Variants in MGLL observed in about 807,000 individuals in gnomAD.
MGLL encodes lysophospholipase homolog.
A neutral mutation model predicts 29.1 loss-of-function variants in MGLL; 7 were observed. That is an observed-to-expected ratio of 0.24 (90% CI 0.14 to 0.45). The LOEUF (loss-of-function observed/expected upper bound fraction) is 0.45. Among genes scored for constraint, MGLL ranks in the 20% least tolerant of loss-of-function variants. The pLI is 0.99. For synonymous variants in MGLL, 148 were observed against 168.3 expected (o/e 0.88, Z 0.93); for missense variants, 356 against 413.6 (o/e 0.86, Z 1.21).
chr3:127,776,923 G>A (rs2077046386), intron 3 of MGLL, among the ~76,000 whole-genome samples: 1 of 152,182 alleles, frequency 6.6e-6, no homozygotes, highest in South Asian at 2.1e-4. Context: ...GGAGCGAATG[G>A]ACAACACAAT....
intron 6 of MGLL, among the ~76,000 whole-genome samples, chr3:127,697,196 G>T (rs534560018): frequency 1.3e-5 from 2 of 152,244 alleles, no homozygotes; most frequent in African/African-American, 2.4e-5. Flanking sequence ...ACCACAGGGG[G>T]TGCTTCCCCA....
intron 2 of MGLL, among the ~76,000 whole-genome samples, chr3:127,798,507 T>C (rs1167610803): frequency 6.6e-6 from 1 of 152,192 alleles, no homozygotes; most frequent in African/African-American, 2.4e-5. Flanking sequence ...GACTTCCTCC[T>C]TGGACAGGCC....
At position 127,714,525 on chromosome 3, in the gene MGLL, C is replaced by T. The variant is rs141155668; in HGVS notation, c.511-3860G>A. Among the ~76,000 whole-genome samples, 17 of 152,286 alleles carry T rather than the reference C, an allele frequency of 1.1e-4. No homozygotes were observed. In the East Asian group the frequency reaches 2.5e-3, roughly 23 times the overall value. On this transcript the variant is annotated intron_variant, in intron 5 of 7. Coordinates refer to ENST00000265052, the MANE Select transcript of MGLL (RefSeq NM_007283.7). The stretch of plus-strand genomic sequence containing the variant: ...TGGTGTGCATGAGGCACTGGTGTCC[C>T]GGCGACAATAACTGGTTGTTCCATC...
At chr3:127,756,625 C>T (rs2076669505) in intron 3 of MGLL, among the ~76,000 whole-genome samples, 1 of 152,212 alleles carries the variant, frequency 6.6e-6, no homozygotes, top group Non-Finnish European at 1.5e-5. Flanking sequence ...GATGTGTTGG[C>T]CTCACCATAC....
At chr3:127,720,638 G>T (rs1262241688) in intron 5 of MGLL, among the ~76,000 whole-genome samples, 1 of 152,228 alleles carries the variant, frequency 6.6e-6, no homozygotes, top group East Asian at 1.9e-4. Context: ...GGCAGTGGAT[G>T]CGACTCCATA....
chr3:127,807,151 G>A lies in MGLL; in HGVS notation c.155+14543C>T, dbSNP rs142189895. Among the ~76,000 whole-genome samples the A allele has an allele frequency of 4.1e-4, 63 of 151,914 alleles. No homozygotes were observed. In the East Asian group the frequency reaches 0.012, roughly 28 times the overall value. Reference sequence around the variant, plus strand: ...CTTTGTTGGTAGTTTTTTTAGTTTTGGTTTTGTTTTGCTTACCAATTCAAT... The same window carrying A: ...CTTTGTTGGTAGTTTTTTTAGTTTTAGTTTTGTTTTGCTTACCAATTCAAT... On this transcript the variant is annotated intron_variant, in intron 2 of 7. Transcript: ENST00000265052.
chr3:127,813,722 G>A (rs1043893310), intron 2 of MGLL, among the ~76,000 whole-genome samples: 38 of 152,016 alleles, frequency 2.5e-4, no homozygotes. Flanking sequence ...CAGGACTCCC[G>A]GGTCATTGAC....
intron 2 of MGLL, among the ~76,000 whole-genome samples, chr3:127,801,945 G>T (rs1305665540): frequency 6.6e-6 from 1 of 151,988 alleles, no homozygotes; most frequent in African/African-American, 2.4e-5. Context: ...GGCCCACACA[G>T]CTCACAGCCC....
chr3:127,714,553 G>A (rs1444012419), intron 5 of MGLL, among the ~76,000 whole-genome samples: 5 of 152,218 alleles, frequency 3.3e-5, no homozygotes, highest in African/African-American at 1.2e-4. Flanking sequence ...GTTCCATCAC[G>A]AATGTAGATG....
intron 2 of MGLL, among the ~76,000 whole-genome samples, chr3:127,809,563 C>T (rs989088622): frequency 3.3e-5 from 5 of 151,860 alleles, no homozygotes; most frequent in Non-Finnish European, 7.4e-5. Flanking sequence ...GAGTTGGAGA[C>T]TGCAGTGAGC....
chr3:127,789,854 C>A (rs1290127264), intron 2 of MGLL, among the ~76,000 whole-genome samples: 1 of 152,182 alleles, frequency 6.6e-6, no homozygotes, highest in East Asian at 1.9e-4. Flanking sequence ...GGTAAGCATT[C>A]TTTGATCTAA....
Position 127,710,786 on chromosome 3 carries a change from C to T in MGLL, c.511-121G>A, listed in dbSNP as rs188372375. The T allele has an allele frequency of 9.1e-5, 85 of 929,058 alleles. 1 individual carries two copies. In the African/African-American group the frequency reaches 1.1e-3, roughly 12 times the overall value. The allele number at this position is 929,058 out of a possible 1,614,324, so 57.6% of individuals were successfully genotyped here. A position where few individuals can be genotyped will look rare whatever the true frequency, so the allele number is the denominator to read the frequency against. The stretch of plus-strand genomic sequence containing the variant: ...GCCCAAACTGAACATCAGCCAGGTT[C>T]GTCTCCCAAGCCTGCGTCCTTAAGC... On this transcript the variant is annotated intron_variant, in intron 5 of 7. Transcript: ENST00000265052.
chr3:127,808,059 C>T (rs1007014470), intron 2 of MGLL, among the ~76,000 whole-genome samples: 19 of 152,204 alleles, frequency 1.2e-4, no homozygotes, highest in South Asian at 2.1e-4. Context: ...CATGCCTGGA[C>T]GAAAACTCTT....
intron 2 of MGLL, among the ~76,000 whole-genome samples, chr3:127,794,650 C>T (rs959264254): frequency 6.6e-6 from 1 of 152,236 alleles, no homozygotes; most frequent in African/African-American, 2.4e-5. Flanking sequence ...TGATGTCAAA[C>T]TGTCTTCCAT....
chr3:127,743,828 G>A (rs1485505637), intron 3 of MGLL, among the ~76,000 whole-genome samples: 2 of 152,120 alleles, frequency 1.3e-5, no homozygotes, highest in Non-Finnish European at 2.9e-5. Context: ...AAAACAGTTT[G>A]TTTCCCTCAA....
chr3:127,763,198 T>C (rs2076796338), intron 3 of MGLL, among the ~76,000 whole-genome samples: 1 of 152,138 alleles, frequency 6.6e-6, no homozygotes, highest in Non-Finnish European at 1.5e-5. Context: ...GCGGTGAGTG[T>C]GCAGGCTGCC....
chr3:127,735,107 G>A (rs1221183507), intron 3 of MGLL, among the ~76,000 whole-genome samples: 3 of 152,252 alleles, frequency 2.0e-5, no homozygotes, highest in Non-Finnish European at 4.4e-5. Context: ...GAACACCAGA[G>A]TGGAACAAGC....
intron 3 of MGLL, among the ~76,000 whole-genome samples, chr3:127,771,605 C>T (rs577399811): frequency 2.6e-5 from 4 of 152,152 alleles, no homozygotes; most frequent in Non-Finnish European, 5.9e-5. Context: ...GTCCTTCCCC[C>T]TCAGCCTCCC....
At chr3:127,788,462 T>C (rs2077248847) in intron 2 of MGLL, among the ~76,000 whole-genome samples, 2 of 152,160 alleles carry the variant, frequency 1.3e-5, no homozygotes, top group South Asian at 4.1e-4. Context: ...ACCACTGTAA[T>C]TAAATAATAA....
Sources: gnomAD v4.1 joint callset for allele counts (sites outside exome capture counted in the v4.1 genomes callset) on GRCh38, gnomAD v4.1.1 for gene constraint, MANE v1.5 for transcripts, NCBI Gene and HGNC (gene_info 2026-07-23, HGNC 2026-07-21) for gene names.